Variants in CEP43 observed in about 807,000 individuals in gnomAD.
CEP43 encodes the protein FGFR1 oncogene partner.
Under a neutral mutation model 52.6 loss-of-function variants are expected in CEP43, and 36 were observed. The ratio of observed to expected loss-of-function variants is 0.68; its 90% CI spans 0.52 to 0.90. The LOEUF (loss-of-function observed/expected upper bound fraction) is 0.90. Among genes scored for constraint, CEP43 ranks in the 40% least tolerant of loss-of-function variants. The pLI is 0.00. For synonymous variants in CEP43, 192 were observed against 172.4 expected, an observed-to-expected ratio of 1.11 and a Z score of -0.89; for missense variants, 506 against 472.8, an observed-to-expected ratio of 1.07 and a Z score of -0.65.
At chr6:167,009,899 C>T (rs943560557) in intron 5 of CEP43, among the ~76,000 whole-genome samples, 2 of 151,844 alleles carry the variant, frequency 1.3e-5, no homozygotes, top group African/African-American at 4.8e-5. Context: ...TGAGAATCAA[C>T]AAGACTTGGT....
chr6:167,041,166 T>A lies in CEP43; in HGVS notation c.*1188T>A. 1 of 1,046,206 alleles carries A rather than the reference T, an allele frequency of 9.6e-7. No homozygotes were observed. The highest frequency in any genetic ancestry group is 1.2e-6 in the Non-Finnish European group (1 of 867,346). The allele number at this position is 1,046,206 out of a possible 1,614,324, so 64.8% of individuals were successfully genotyped here. On this transcript the variant is annotated 3_prime_UTR_variant, in exon 13 of 13. Coordinates refer to ENST00000366847, the MANE Select transcript of CEP43 (RefSeq NM_007045.4). The stretch of plus-strand genomic sequence containing the variant: ...AAGGAGCAAATTAGACCTAATTCAT[T>A]GATCTCGGTTAAGTGAGCAGACTGC...
At chr6:167,003,987 G>A in intron 4 of CEP43, 176 bp downstream of exon 4, 1 of 596,798 alleles carries the variant, frequency 1.7e-6, no homozygotes, top group Non-Finnish European at 2.9e-6. Context: ...GCTGGCACCA[G>A]TGTTGCTGCT....
intron 8 of CEP43, among the ~76,000 whole-genome samples, chr6:167,024,429 G>A (rs1182235252): frequency 1.3e-5 from 2 of 152,088 alleles, no homozygotes; most frequent in Non-Finnish European, 2.9e-5. Flanking sequence ...AATCTGAGAG[G>A]TGGCACTTAT....
At chr6:167,003,142 AGTT>A (rs1779775171) in intron 2 of CEP43, 48 bp from the exon 3 acceptor site, 1 of 790,838 alleles carries the variant, frequency 1.3e-6, no homozygotes, top group African/African-American at 1.8e-5. Context: ...TATATTTTGT[AGTT>A]GTTTTTAGGG....
At position 167,043,949 on chromosome 6, in the gene CEP43, A is replaced by G. The variant is rs1780752839; in HGVS notation, c.*3971A>G. 6.6e-6 allele frequency: 1 copy of G among 152,200 alleles called. No individual in the cohort carries two copies. Among genetic ancestry groups the G allele is most frequent in the Non-Finnish European group, 1.5e-5 (1 of 68,032 alleles). 9.4% of individuals were successfully genotyped at this position (152,200 alleles called of 1,614,324 possible). A position where few individuals can be genotyped will look rare whatever the true frequency, so the allele number is the denominator to read the frequency against. On this transcript the variant is annotated 3_prime_UTR_variant, in exon 13 of 13. Coordinates refer to ENST00000366847, the MANE Select transcript of CEP43 (RefSeq NM_007045.4). Reference sequence around the variant, plus strand: ...TGTGTATGTCGAAACCTAATCCCACATAGGATGGAATTAGGTAGGGCCTCT... The same window carrying G: ...TGTGTATGTCGAAACCTAATCCCACGTAGGATGGAATTAGGTAGGGCCTCT...
Position 167,052,570 on chromosome 6 carries a change from G to A in CEP43, c.*12592G>A, listed in dbSNP as rs16899837. 20 of 152,118 alleles carry A rather than the reference G, an allele frequency of 1.3e-4. 1 individual carries two copies. The highest frequency in any genetic ancestry group is 9.6e-4 in the East Asian group (5 of 5,192). The allele number at this position is 152,118 out of a possible 1,614,324, so 9.4% of individuals were successfully genotyped here. The stretch of plus-strand genomic sequence containing the variant: ...CCCTATACTGGCGGCAGAACTTCTC[G>A]ATTTTGCGGATTTCAAAATGGCTCC... On this transcript the variant is annotated 3_prime_UTR_variant, in exon 13 of 13. Coordinates refer to ENST00000366847, the MANE Select transcript of CEP43 (RefSeq NM_007045.4).
chr6:167,036,044 G>A, intron 12 of CEP43: 1 of 983,744 alleles, frequency 1.0e-6, no homozygotes, highest in Non-Finnish European at 1.2e-6. Flanking sequence ...TCTGTCGTAG[G>A]CACAGATATA....
intron 4 of CEP43, 150 bp from the exon 5 acceptor site, chr6:167,004,114 G>A (rs952133940): frequency 1.2e-6 from 1 of 818,642 alleles, no homozygotes; most frequent in Non-Finnish European, 1.8e-6. Context: ...AAAGAAATAG[G>A]CATAATTTTT....
rs1780685390 is a variant in CEP43 at position 167,041,096 on chromosome 6, T to A, written c.*1118T>A. On this transcript the variant is annotated 3_prime_UTR_variant, in exon 13 of 13. Transcript: ENST00000366847. ...TGTGCTGTTTTTGCACTTTATAATT[T>A]CAATTAAGTTGCGGCTTTTTACTAC... 3 of 1,039,586 alleles carry A rather than the reference T, an allele frequency of 2.9e-6. No individual in the cohort carries two copies. The highest frequency in any genetic ancestry group is 3.5e-6 in the Non-Finnish European group (3 of 863,140). The allele number at this position is 1,039,586 out of a possible 1,614,324, so 64.4% of individuals were successfully genotyped here. A position where few individuals can be genotyped will look rare whatever the true frequency, so the allele number is the denominator to read the frequency against.
intron 5 of CEP43, among the ~76,000 whole-genome samples, chr6:167,006,084 C>A (rs1356528755): frequency 6.6e-6 from 1 of 152,176 alleles, no homozygotes; most frequent in East Asian, 1.9e-4. Context: ...ACATGGAGAT[C>A]ACAGAAGTAT....
At chr6:167,013,413 C>A in intron 6 of CEP43, 95 bp from the exon 7 acceptor site, 1 of 1,015,796 alleles carries the variant, frequency 9.8e-7, no homozygotes, top group Non-Finnish European at 1.5e-6. Flanking sequence ...ACTTCTGAGA[C>A]ATTTTTCAGT....
At chr6:167,022,918 C>T (rs1487776079) in intron 8 of CEP43, among the ~76,000 whole-genome samples, 2 of 152,030 alleles carry the variant, frequency 1.3e-5, no homozygotes, top group Non-Finnish European at 2.9e-5. Context: ...AGACTCCTGC[C>T]CTCAGGAAGC....
In CEP43 at chr6:167,000,201, T is replaced by C. The variant is rs958867257; in HGVS notation, c.156+88T>C. Reference sequence around the variant, plus strand: ...AAACCGTCTTAAAAATAGTTTATAGTAACATATAGCTAGGGATAATTTTGA... The same window carrying C: ...AAACCGTCTTAAAAATAGTTTATAGCAACATATAGCTAGGGATAATTTTGA... On this transcript the variant is annotated intron_variant, in intron 2 of 12. Transcript: ENST00000366847. 2.1e-5 allele frequency: 21 copies of C among 1,006,424 alleles called. No individual in the cohort carries two copies. The African/African-American group carries it at 3.1e-4, about 15-fold the overall frequency. 62.3% of individuals were successfully genotyped at this position (1,006,424 alleles called of 1,614,324 possible).
rs758102467 is a variant in CEP43, at chr6:167,040,024, C to T, written c.*46C>T. 3.2e-5 allele frequency: 49 copies of T among 1,539,366 alleles called. No individual in the cohort carries two copies. Among genetic ancestry groups the T allele is most frequent in the South Asian group, 1.0e-4 (9 of 86,022 alleles). On this transcript the variant is annotated 3_prime_UTR_variant, in exon 13 of 13. Transcript: ENST00000366847. ...TAATTAACAAGGACAGAGGACTGAC[C>T]GGTTCCATTTTTTTTTTTTCCAGAC...
chr6:167,025,014 A>T, intron 9 of CEP43, 120 bp downstream of exon 9: 1 of 628,118 alleles, frequency 1.6e-6, no homozygotes, highest in Non-Finnish European at 2.8e-6. Context: ...TCATTTTATC[A>T]CTCAGAGATA....
rs763856817 is a variant in CEP43, at chr6:167,044,556, G to A, written c.*4578G>A. Reference sequence around the variant, plus strand: ...GGGTGAATGAGAGTGGCAGACAGAAGGAAACAGCAAGGCCTCTGAGGTAGG... The same window carrying A: ...GGGTGAATGAGAGTGGCAGACAGAAAGAAACAGCAAGGCCTCTGAGGTAGG... On this transcript the variant is annotated 3_prime_UTR_variant, in exon 13 of 13. Coordinates refer to ENST00000366847, the MANE Select transcript of CEP43 (RefSeq NM_007045.4). 3 of 985,196 alleles carry A rather than the reference G, an allele frequency of 3.0e-6. No homozygotes were observed. The highest frequency in any genetic ancestry group is 2.4e-6 in the Non-Finnish European group (2 of 829,834). 61.0% of individuals were successfully genotyped at this position (985,196 alleles called of 1,614,324 possible).
rs1044493327 is a variant in CEP43, at chr6:167,052,520, A to G, written c.*12542A>G. ...TTATTAGAACAGTGTATCCTGGAGGACATCCCTTGCCTTTCACCAAGTGAC... is the reference window on the plus strand; with the variant it reads ...TTATTAGAACAGTGTATCCTGGAGGGCATCCCTTGCCTTTCACCAAGTGAC... On this transcript the variant is annotated 3_prime_UTR_variant, in exon 13 of 13. Transcript: ENST00000366847. The G allele has an allele frequency of 6.6e-6, 1 of 152,182 alleles. No homozygotes were observed. Among genetic ancestry groups the G allele is most frequent in the African/African-American group, 2.4e-5 (1 of 41,444 alleles). 9.4% of individuals were successfully genotyped at this position (152,182 alleles called of 1,614,324 possible).
Position 167,004,283 on chromosome 6 carries a change from G to T in CEP43, c.320G>T (p.Arg107Leu). Residue 107 changes from arginine to leucine, a missense_variant, in exon 5 of 13, where the codon CGA (arginine) becomes CTA (leucine). Transcript: ENST00000366847. ...ETSTLQGLEG[R>L]ENLARDLGII... ...TTCTAGCTGCAAGGTCTCGAAGGTC[G>T]AGAGAATTTAGCCCGAGATTTAGGT... 1 of 1,605,438 alleles carries T rather than the reference G, an allele frequency of 6.2e-7. No homozygotes were observed. Among genetic ancestry groups the T allele is most frequent in the Non-Finnish European group, 8.5e-7 (1 of 1,176,528 alleles).
At position 167,042,104 on chromosome 6, in the gene CEP43, A is replaced by C; in HGVS notation, c.*2126A>C. On this transcript the variant is annotated 3_prime_UTR_variant, in exon 13 of 13. Coordinates refer to ENST00000366847, the MANE Select transcript of CEP43 (RefSeq NM_007045.4). ...AGTGCCGGGATTACAGGCGTGAACC[A>C]CCGCACCTGGCCAGTACTACATCCA... 1 of 1,005,340 alleles carries C rather than the reference A, an allele frequency of 9.9e-7. No individual in the cohort carries two copies. The highest frequency in any genetic ancestry group is 1.2e-6 in the Non-Finnish European group (1 of 840,220). 62.3% of individuals were successfully genotyped at this position (1,005,340 alleles called of 1,614,324 possible).
Sources: gnomAD v4.1 joint callset for allele counts (sites outside exome capture counted in the v4.1 genomes callset) on GRCh38, gnomAD v4.1.1 for gene constraint, MANE v1.5 for transcripts, NCBI Gene and HGNC (gene_info 2026-07-23, HGNC 2026-07-21) for gene names.